Variants in GDPD1 observed in about 807,000 individuals in gnomAD.
GDPD1 encodes glycerophosphodiester phosphodiesterase domain containing 1.
GDPD1 carries 28 observed loss-of-function variants against 45.1 expected under a neutral mutation model. The observed-to-expected ratio is 0.62, with a 90% CI of 0.46 to 0.85. The LOEUF is 0.85. Ranked by LOEUF, GDPD1 falls within the 40% of genes least tolerant of loss-of-function variation. The probability of loss-of-function intolerance (pLI) is 0.00; values close to 1 mark genes in which losing one functional copy is unlikely to be tolerated. For missense variants in GDPD1, 256 were observed against 364.8 expected (o/e 0.70, Z 2.43); for synonymous variants, 139 against 131.4 (o/e 1.06, Z -0.40).
Position 59,234,836 on chromosome 17 carries a change from G to A in GDPD1, c.185+302G>A, listed in dbSNP as rs537348659. On this transcript the variant is annotated intron_variant, in intron 2 of 9. Transcript: ENST00000284116. Reference sequence around the variant, plus strand: ...ACTGTGTATAATGCTAATTAGTCTTGGAGAGAAAGAGAAAATGAAACAACT... The same window carrying A: ...ACTGTGTATAATGCTAATTAGTCTTAGAGAGAAAGAGAAAATGAAACAACT... Among the ~76,000 whole-genome samples, 6 of 152,170 alleles carry A rather than the reference G, an allele frequency of 3.9e-5. No homozygotes were observed. The East Asian group carries it at 9.7e-4, about 25-fold the overall frequency.
chr17:59,266,152 C>T (rs2047397444), intron 6 of GDPD1, among the ~76,000 whole-genome samples: 1 of 151,674 alleles, frequency 6.6e-6, no homozygotes, highest in African/African-American at 2.4e-5. Context: ...TTTGGGAGGC[C>T]AAGGTGGGCA....
rs1286346085 is a variant in GDPD1 at position 59,267,122 on chromosome 17, G to C, written c.658G>C (p.Val220Leu). 6.2e-6 allele frequency: 10 copies of C among 1,613,756 alleles called. No homozygotes were observed. The highest frequency in any genetic ancestry group is 8.5e-6 in the Non-Finnish European group (10 of 1,179,896). Residue 220 changes from valine (V) to leucine (L), a missense_variant, in exon 7 of 10, where the codon GTG becomes CTG. By Grantham distance (32) the Val-to-Leu change is conservative. Coordinates refer to ENST00000284116, the MANE Select transcript of GDPD1 (RefSeq NM_182569.4). ...TTTCTTCACTGGCCTCTTGCCCTTT[G>C]TGCCCATTCGAGAACAGTTTTTTGA... ...GLFFTGLLPFVPIREQFFEIP... is the reference protein window; with the variant it reads ...GLFFTGLLPFLPIREQFFEIP...
chr17:59,230,990 A>G (rs2047084849), intron 1 of GDPD1, among the ~76,000 whole-genome samples: 1 of 152,192 alleles, frequency 6.6e-6, no homozygotes, highest in Non-Finnish European at 1.5e-5. Context: ...GGTAGGCAAA[A>G]GCTTCCTTCC....
chr17:59,255,859 A>ATATATACACACG (rs2047303696), intron 4 of GDPD1, among the ~76,000 whole-genome samples: 1 of 82,226 alleles, frequency 1.2e-5, no homozygotes, highest in African/African-American at 8.2e-5. Context: ...ATACACACGT[A>ATATATACACACG]TATATATATA....
intron 2 of GDPD1, among the ~76,000 whole-genome samples, chr17:59,235,053 A>G (rs868423158): frequency 6.6e-6 from 1 of 151,902 alleles, no homozygotes; most frequent in South Asian, 2.1e-4. Flanking sequence ...AGCACCTCAC[A>G]GAGAAGCAGC....
At chr17:59,250,567 G>A (rs2047244982) in intron 4 of GDPD1, among the ~76,000 whole-genome samples, 1 of 141,774 alleles carries the variant, frequency 7.1e-6, no homozygotes, top group African/African-American at 2.7e-5. Context: ...AGTGAGCTAT[G>A]CTCACACCAC....
intron 6 of GDPD1, among the ~76,000 whole-genome samples, chr17:59,262,630 T>G (rs540800417): frequency 1.6e-4 from 12 of 74,450 alleles, no homozygotes; most frequent in South Asian, 8.7e-4. Context: ...CTTGGTTTTG[T>G]TTTTTTTTGT....
intron 8 of GDPD1, 119 bp downstream of exon 8, chr17:59,271,114 C>A: frequency 3.4e-6 from 2 of 596,418 alleles, no homozygotes; most frequent in Non-Finnish European, 6.0e-6. Context: ...AAATTGAGCA[C>A]CTGCTATGTA....
intron 8 of GDPD1, among the ~76,000 whole-genome samples, chr17:59,271,605 CTTATTTTATTTTATTTTATT>C (rs150984479): frequency 1.6e-4 from 24 of 148,378 alleles, no homozygotes; most frequent in African/African-American, 5.8e-4. Context: ...GCCTTTTCTT[CTTATTTTATTTTATTTTATT>C]TTATTTTATT....
chr17:59,271,000 G>GATTAC lies in GDPD1; in HGVS notation c.770+6_770+7insTTACA, dbSNP rs2047440169. 1 of 1,562,864 alleles carries GATTAC rather than the reference G, an allele frequency of 6.4e-7. No individual in the cohort carries two copies. The highest frequency in any genetic ancestry group is 1.4e-5 in the African/African-American group (1 of 73,634). On this transcript the variant is annotated splice_donor_region_variant and intron_variant, in intron 8 of 9. Coordinates refer to ENST00000284116, the MANE Select transcript of GDPD1 (RefSeq NM_182569.4). ...TCTCATCTGGCTTTCTGATCTGTAA[G>GATTAC]AATTTTAATTTCTTAATATGCAAGT...
chr17:59,253,337 A>G (rs557063400), intron 4 of GDPD1, among the ~76,000 whole-genome samples: 31 of 152,288 alleles, frequency 2.0e-4, no homozygotes, highest in African/African-American at 7.2e-4. Flanking sequence ...ATGTTTTTCT[A>G]CATTCTAAGC....
intron 6 of GDPD1, among the ~76,000 whole-genome samples, chr17:59,265,017 T>C (rs938009052): frequency 1.3e-5 from 2 of 151,578 alleles, no homozygotes; most frequent in African/African-American, 4.8e-5. Flanking sequence ...ATTTTTGTAT[T>C]TTTAGTAGAG....
At position 59,224,640 on chromosome 17, in the gene GDPD1, CAAAA is replaced by C. The variant is rs1324584229; in HGVS notation, c.142+3892_142+3895del. ...ACTCCATCTCAAAAAAAAAAAAAAA[CAAAA>C]AACAAAAACAAAAAAAACTACGACT... On this transcript the variant is annotated intron_variant, in intron 1 of 9. Coordinates refer to ENST00000284116, the MANE Select transcript of GDPD1 (RefSeq NM_182569.4). Among the ~76,000 whole-genome samples the C allele has an allele frequency of 3.8e-5, 5 of 130,354 alleles. No homozygotes were observed. In the East Asian group the frequency reaches 1.0e-3, roughly 27 times the overall value. The allele number at this position is 130,354 out of a possible 152,430, so 85.5% of individuals were successfully genotyped here. A position where few individuals can be genotyped will look rare whatever the true frequency, so the allele number is the denominator to read the frequency against.
chr17:59,239,435 C>T (rs2047158588), intron 2 of GDPD1, among the ~76,000 whole-genome samples: 1 of 151,742 alleles, frequency 6.6e-6, no homozygotes, highest in African/African-American at 2.4e-5. Flanking sequence ...GTCAGAAATT[C>T]AGCTATAAAA....
intron 1 of GDPD1, among the ~76,000 whole-genome samples, chr17:59,230,582 A>C (rs1661311905): frequency 6.6e-6 from 1 of 151,324 alleles, no homozygotes; most frequent in South Asian, 2.1e-4. Context: ...GGGTTCCTCC[A>C]TGTTCGTCAG....
At chr17:59,225,951 C>G (rs1290664323) in intron 1 of GDPD1, among the ~76,000 whole-genome samples, 1 of 149,484 alleles carries the variant, frequency 6.7e-6, no homozygotes, top group East Asian at 2.1e-4. Context: ...AAACTCCTGA[C>G]CTCAGATGAT....
chr17:59,248,755 C>G lies in GDPD1; in HGVS notation c.337C>G (p.Leu113Val). The change falls in exon 4 of 10, where the codon CTT (leucine) becomes GTT (valine). Residue 113 changes from leucine (L) to valine (V), a missense_variant. Coordinates refer to ENST00000284116, the MANE Select transcript of GDPD1 (RefSeq NM_182569.4). ...DLKYCELPPY[L>V]GKLDVSFQRA... ...CTTTTTAAAGGAGCTCCCACCTTAC[C>G]TTGGCAAACTGGATGTCTCATTTCA... The G allele has an allele frequency of 1.2e-6, 2 of 1,604,586 alleles. No homozygotes were observed. Among genetic ancestry groups the G allele is most frequent in the Non-Finnish European group, 1.7e-6 (2 of 1,175,308 alleles).
intron 6 of GDPD1, among the ~76,000 whole-genome samples, chr17:59,265,227 AT>A (rs200132449): frequency 7.9e-5 from 12 of 151,470 alleles, no homozygotes; most frequent in African/African-American, 2.7e-4. Context: ...TGTAAGCATA[AT>A]TTTTTTTTCC....
At chr17:59,257,942 T>G in intron 6 of GDPD1, 102 bp downstream of exon 6, 2 of 703,882 alleles carry the variant, frequency 2.8e-6, no homozygotes, top group East Asian at 7.6e-5. Context: ...TTTCTTATTT[T>G]TAGAGATAGG....
Sources: allele counts gnomAD v4.1 joint callset (sites outside exome capture counted in the v4.1 genomes callset), GRCh38; gene constraint gnomAD v4.1.1; transcripts MANE v1.5; gene names NCBI Gene and HGNC (gene_info 2026-07-23, HGNC 2026-07-21).